The following IMPG1 variants were observed in gnomAD, a reference collection of about 807,000 sequenced individuals.
The protein encoded by IMPG1 is interphotoreceptor matrix proteoglycan 1.
IMPG1 carries 85 observed loss-of-function variants against 92.0 expected under a neutral mutation model. The observed-to-expected ratio is 0.92, with a 90% CI of 0.78 to 1.11. The LOEUF is 1.11. IMPG1 is among the 50% of genes least tolerant of loss of function. The pLI is 0.00. For synonymous variants in IMPG1, 367 were observed against 334.1 expected, an observed-to-expected ratio of 1.10 and a Z score of -1.08; for missense variants, 1,022 against 956.0, an observed-to-expected ratio of 1.07 and a Z score of -0.91.
At chr6:76,055,886 T>C (rs1236731560) in intron 1 of IMPG1, among the ~76,000 whole-genome samples, 1 of 152,100 alleles carries the variant, frequency 6.6e-6, no homozygotes, top group Non-Finnish European at 1.5e-5. Flanking sequence ...GATAATTAAA[T>C]ATTATCATAA....
intron 14 of IMPG1, among the ~76,000 whole-genome samples, chr6:75,932,254 G>A (rs1045425371): frequency 1.3e-5 from 2 of 152,162 alleles, no homozygotes; most frequent in Admixed American, 6.5e-5. Context: ...GCCCCAAGGG[G>A]GAGCTATTGG....
intron 14 of IMPG1, among the ~76,000 whole-genome samples, chr6:75,938,586 G>A (rs1353226482): frequency 6.6e-6 from 1 of 152,154 alleles, no homozygotes. Context: ...GCCAAGGCAG[G>A]TGGATCACTT....
Position 75,974,386 on chromosome 6 carries a change from T to C in IMPG1, c.1292-23292A>G, listed in dbSNP as rs1306686005. On this transcript the variant is annotated intron_variant, in intron 12 of 16. Coordinates refer to ENST00000369950, the MANE Select transcript of IMPG1 (RefSeq NM_001563.4). The stretch of plus-strand genomic sequence containing the variant: ...TTCTTTCTTTCTTTCTTTCTTTCTT[T>C]CTTTCTTTTCTTTCTTTCCTTCCTT... Among the ~76,000 whole-genome samples the C allele has an allele frequency of 3.5e-3, 363 of 104,896 alleles. 2 individuals carry two copies. The highest frequency in any genetic ancestry group is 5.0e-3 in the South Asian group (15 of 2,986). 68.8% of individuals were successfully genotyped at this position (104,896 alleles called of 152,430 possible). A position where few individuals can be genotyped will look rare whatever the true frequency, so the allele number is the denominator to read the frequency against.
At chr6:75,968,979 G>T (rs1039146528) in intron 12 of IMPG1, among the ~76,000 whole-genome samples, 2 of 152,138 alleles carry the variant, frequency 1.3e-5, no homozygotes, top group African/African-American at 4.8e-5. Flanking sequence ...ATACATAACA[G>T]AATGCTTAAA....
chr6:76,023,971 T>C (rs1783479447), intron 5 of IMPG1, among the ~76,000 whole-genome samples: 1 of 152,156 alleles, frequency 6.6e-6, no homozygotes, highest in South Asian at 2.1e-4. Context: ...GCTCCTCCTC[T>C]AAATAATACC....
intron 1 of IMPG1, among the ~76,000 whole-genome samples, chr6:76,054,569 A>G (rs1451229317): frequency 6.6e-6 from 1 of 152,166 alleles, no homozygotes; most frequent in African/African-American, 2.4e-5. Context: ...TTATAATAGA[A>G]GAACACTAAT....
In IMPG1 at chr6:76,028,664, C is replaced by T. The variant is rs368126887; in HGVS notation, c.498-3406G>A. On this transcript the variant is annotated intron_variant, in intron 4 of 16. Transcript: ENST00000369950. ...CTAACATGATGAAACCCCGTCTCTA[C>T]TAAAAAATAGAAAAAATCAGCCAGG... Among the ~76,000 whole-genome samples, 45 of 152,208 alleles carry T rather than the reference C, an allele frequency of 3.0e-4. No homozygotes were observed. The South Asian group carries it at 8.3e-3, about 28-fold the overall frequency.
intron 12 of IMPG1, among the ~76,000 whole-genome samples, chr6:75,974,555 T>C (rs1172839486): frequency 1.3e-5 from 2 of 150,916 alleles, no homozygotes; most frequent in Non-Finnish European, 3.0e-5. Flanking sequence ...CTGCAACCTC[T>C]GCCTCCCAGG....
At chr6:75,951,129 A>G (rs1187598211) in intron 12 of IMPG1, 35 bp from the exon 13 acceptor site, 1 of 1,485,808 alleles carries the variant, frequency 6.7e-7, no homozygotes, top group African/African-American at 1.4e-5. Flanking sequence ...ATGTCCAAGT[A>G]TTCCCCAAAG....
At chr6:75,956,864 C>A (rs1041829017) in intron 12 of IMPG1, among the ~76,000 whole-genome samples, 1 of 152,100 alleles carries the variant, frequency 6.6e-6, no homozygotes, top group Non-Finnish European at 1.5e-5. Flanking sequence ...AGTAGTCATT[C>A]AAGGAGCAGG....
chr6:75,969,938 T>C (rs772809028), intron 12 of IMPG1, among the ~76,000 whole-genome samples: 1 of 151,828 alleles, frequency 6.6e-6, no homozygotes, highest in Non-Finnish European at 1.5e-5. Flanking sequence ...GGTAATAAAT[T>C]TAATTCCTAA....
intron 2 of IMPG1, among the ~76,000 whole-genome samples, 183 bp downstream of exon 2, chr6:76,041,710 G>T (rs1167369380): frequency 6.6e-6 from 1 of 152,190 alleles, no homozygotes. Context: ...CATAAGAGCT[G>T]ATATCTACCA....
rs768481753 is a variant in IMPG1 at position 76,002,990 on chromosome 6, T to C, written c.1219A>G (p.Thr407Ala). 2 of 1,612,256 alleles carry C rather than the reference T, an allele frequency of 1.2e-6. No homozygotes were observed. The highest frequency in any genetic ancestry group is 1.1e-5 in the South Asian group (1 of 91,028). Residue 407 changes from threonine (T) to alanine (A), a missense_variant, in exon 12 of 17, where the codon ACT (threonine) becomes GCT (alanine). This residue lies in a region of IMPG1 where 681 missense variants were observed against 583.6 expected (regional missense o/e 1.17). Coordinates refer to ENST00000369950, the MANE Select transcript of IMPG1 (RefSeq NM_001563.4). Reference protein sequence around the residue: ...TSFAVITEDATLSPELPPVEP... With the variant: ...TSFAVITEDAALSPELPPVEP... ...ACAGGAGGAAGTTCTGGACTCAAAG[T>C]AGCATCCTGAAGAATGAATTTTGCA...
intron 11 of IMPG1, 73 bp downstream of exon 11, chr6:76,003,801 A>G (rs1783042058): frequency 8.9e-7 from 1 of 1,120,070 alleles, no homozygotes; most frequent in Non-Finnish European, 1.3e-6. Context: ...TCATTTCTTA[A>G]GCTGATTTGT....
At chr6:75,966,707 G>A (rs1782312980) in intron 12 of IMPG1, among the ~76,000 whole-genome samples, 2 of 152,160 alleles carry the variant, frequency 1.3e-5, no homozygotes, top group Non-Finnish European at 2.9e-5. Flanking sequence ...CATTAAAAAT[G>A]ATATGAAAAA....
chr6:75,996,610 T>C (rs1782907410), intron 12 of IMPG1, among the ~76,000 whole-genome samples: 1 of 151,994 alleles, frequency 6.6e-6, no homozygotes, highest in Non-Finnish European at 1.5e-5. Context: ...GAGGAGGGCT[T>C]TGAGGGAATG....
intron 12 of IMPG1, among the ~76,000 whole-genome samples, chr6:75,962,479 A>G (rs1412266155): frequency 6.6e-6 from 1 of 152,092 alleles, no homozygotes; most frequent in Non-Finnish European, 1.5e-5. Context: ...TGTGTACCAA[A>G]TTTCTTAACC....
At chr6:75,995,468 G>A (rs1782881439) in intron 12 of IMPG1, among the ~76,000 whole-genome samples, 1 of 152,040 alleles carries the variant, frequency 6.6e-6, no homozygotes, top group Non-Finnish European at 1.5e-5. Flanking sequence ...CCACACCACT[G>A]CCAGCTTCAG....
chr6:76,063,446 G>A (rs1409711773), intron 1 of IMPG1, among the ~76,000 whole-genome samples: 1 of 152,060 alleles, frequency 6.6e-6, no homozygotes, highest in African/African-American at 2.4e-5. Flanking sequence ...TAGCGGGAGT[G>A]TTTTTGTTTC....
Sources: gnomAD v4.1 joint callset for allele counts (sites outside exome capture counted in the v4.1 genomes callset) on GRCh38, gnomAD v4.1.1 for gene constraint, gnomAD v4.1.1 regional missense constraint, MANE v1.5 for transcripts, NCBI Gene and HGNC (gene_info 2026-07-23, HGNC 2026-07-21) for gene names.